FLYWCH1: variants seen among roughly 807,000 people sequenced by gnomAD.
FLYWCH1 encodes FLYWCH-type zinc finger-containing protein 1.
Under a neutral mutation model 66.4 loss-of-function variants are expected in FLYWCH1, and 75 were observed. That is an observed-to-expected ratio of 1.13 (90% CI 0.94 to 1.37). FLYWCH1 has a LOEUF of 1.37. Ranked by LOEUF, FLYWCH1 falls within the 40% of genes most tolerant of loss-of-function variation. The pLI, the probability that FLYWCH1 is intolerant of heterozygous loss-of-function variation, is 0.00. For missense variants in FLYWCH1, 1,334 were observed against 1,001.8 expected (o/e 1.33, Z -4.48); for synonymous variants, 595 against 429.9 (o/e 1.38, Z -4.75).
Position 2,921,539 on chromosome 16 carries a change from AT to A in FLYWCH1, c.-74+7259del, listed in dbSNP as rs540423246. Among the ~76,000 whole-genome samples the A allele has an allele frequency of 5.0e-3, 758 of 151,482 alleles. 9 individuals are homozygous for A. The highest frequency in any genetic ancestry group is 0.013 in the African/African-American group (549 of 41,288). On this transcript the variant is annotated intron_variant, in intron 2 of 9. Transcript: ENST00000253928. Reference sequence around the variant, plus strand: ...AGCAAGACCCTGTCATTACCAAAATATTTTTTTTTAATTTAATTAAAAAACC... The same window carrying A: ...AGCAAGACCCTGTCATTACCAAAATATTTTTTTTAATTTAATTAAAAAACC...
intron 2 of FLYWCH1, among the ~76,000 whole-genome samples, chr16:2,914,797 A>G (rs560561482): frequency 2.6e-5 from 4 of 151,540 alleles, no homozygotes; most frequent in African/African-American, 9.7e-5. Context: ...GCTACTCAGG[A>G]GCCTGAGGAG....
In FLYWCH1 at chr16:2,929,754, G is replaced by T. The variant is rs780695966; in HGVS notation, c.69G>T (p.Lys23Asn). 2 of 1,613,854 alleles carry T rather than the reference G, an allele frequency of 1.2e-6. No homozygotes were observed. Among genetic ancestry groups the T allele is most frequent in the South Asian group, 2.2e-5 (2 of 91,080 alleles). Residue 23 changes from lysine (K) to asparagine (N), a missense_variant, in exon 3 of 10, where the codon AAG (lysine) becomes AAT (asparagine). Lys to Asn is a moderately conservative substitution (Grantham distance 94, BLOSUM62 0). Coordinates refer to ENST00000253928, the MANE Select transcript of FLYWCH1 (RefSeq NM_001308068.2). ...SVKAGQEPSP[K>N]PGTDVIPAAP... ...AGGCCGGCCAGGAGCCATCCCCCAAGCCAGGCACGGACGTCATCCCGGCAG... is the reference window on the plus strand; with the variant it reads ...AGGCCGGCCAGGAGCCATCCCCCAATCCAGGCACGGACGTCATCCCGGCAG...
At chr16:2,947,075 A>C (rs1293625731) in intron 9 of FLYWCH1, among the ~76,000 whole-genome samples, 2 of 152,230 alleles carry the variant, frequency 1.3e-5, no homozygotes, top group Non-Finnish European at 2.9e-5. Flanking sequence ...CCTAATAGGC[A>C]AAAATTGAAA....
intron 2 of FLYWCH1, among the ~76,000 whole-genome samples, chr16:2,924,126 C>T (rs1177025144): frequency 6.6e-6 from 1 of 152,080 alleles, no homozygotes; most frequent in East Asian, 1.9e-4. Context: ...GTCAGGAGAT[C>T]AAGACCATCC....
chr16:2,931,923 C>T (rs2070774080), intron 4 of FLYWCH1, among the ~76,000 whole-genome samples: 1 of 152,042 alleles, frequency 6.6e-6, no homozygotes, highest in East Asian at 1.9e-4. Flanking sequence ...ACCATCCTGG[C>T]TAACACAGTG....
chr16:2,949,015 ACGGACG>A lies in FLYWCH1; in HGVS notation c.*290_*295del. ...GAAGACATGACAAAGCTGCCTGGAC[ACGGACG>A]CCCCTGCTGTACGGCCACAGCACCC... On this transcript the variant is annotated 3_prime_UTR_variant, in exon 10 of 10. Transcript: ENST00000253928. 2.2e-6 allele frequency: 1 copy of A among 461,436 alleles called. No homozygotes were observed. Among genetic ancestry groups the A allele is most frequent in the Non-Finnish European group, 4.0e-6 (1 of 249,896 alleles). 28.6% of individuals were successfully genotyped at this position (461,436 alleles called of 1,614,324 possible).
chr16:2,939,892 T>C (rs754095064), intron 8 of FLYWCH1, 140 bp from the exon 9 acceptor site: 4 of 946,182 alleles, frequency 4.2e-6, no homozygotes, highest in South Asian at 1.8e-5. Flanking sequence ...ATTGATGCGT[T>C]GAATTCCCAG....
chr16:2,937,279 C>A lies in FLYWCH1; in HGVS notation c.1672C>A (p.Arg558=). 2 of 1,604,996 alleles carry A rather than the reference C, an allele frequency of 1.2e-6. No individual in the cohort carries two copies. Among genetic ancestry groups the A allele is most frequent in the Non-Finnish European group, 8.5e-7 (1 of 1,176,910 alleles). The change falls in exon 7 of 10, where the codon CGG becomes AGG. Residue 558 remains arginine (R), a synonymous_variant. Coordinates refer to ENST00000253928, the MANE Select transcript of FLYWCH1 (RefSeq NM_001308068.2). ...CAGCCGCGCCATCACCCAGGGCCGG[C>A]GGGTCATGGTCATGCGCAGGCACTG... The part of the protein sequence containing the change: ...CRSRAITQGR[R]VMVMRRHCHP...
intron 2 of FLYWCH1, among the ~76,000 whole-genome samples, chr16:2,927,414 A>C (rs1479771502): frequency 2.6e-5 from 4 of 152,202 alleles, no homozygotes; most frequent in Non-Finnish European, 5.9e-5. Flanking sequence ...GTTAAAAGAC[A>C]TGAAGGAAGG....
intron 9 of FLYWCH1, among the ~76,000 whole-genome samples, chr16:2,945,815 G>A (rs1157291300): frequency 1.3e-5 from 2 of 152,064 alleles, no homozygotes; most frequent in East Asian, 1.9e-4. Context: ...GGCTAACATG[G>A]TGAAATCCCA....
In FLYWCH1 at chr16:2,933,423, A is replaced by G. The variant is rs1299905377; in HGVS notation, c.1090A>G (p.Thr364Ala). 10 of 1,601,314 alleles carry G rather than the reference A, an allele frequency of 6.2e-6. No homozygotes were observed. In the East Asian group the frequency reaches 1.8e-4, roughly 29 times the overall value. ...GQDGPGSQVD[T>A]LLRGVDSLLY... Reference sequence around the variant, plus strand: ...GGACGGCCCTGGGAGCCAAGTGGACACGCTGCTCCGAGGCGTGGATAGTTT... The same window carrying G: ...GGACGGCCCTGGGAGCCAAGTGGACGCGCTGCTCCGAGGCGTGGATAGTTT... The change falls in exon 5 of 10, where the codon ACG becomes GCG. Residue 364 changes from threonine (T) to alanine (A), a missense_variant. Coordinates refer to ENST00000253928, the MANE Select transcript of FLYWCH1 (RefSeq NM_001308068.2).
chr16:2,911,984 C>T lies in FLYWCH1; in HGVS notation c.-358C>T, dbSNP rs1023618574. On this transcript the variant is annotated 5_prime_UTR_variant, in exon 1 of 10. Transcript: ENST00000253928. ...GCCGGCTCCCCGGCGGGGTCGCGCG[C>T]GCGGTCACGGGGCTCGCTCCCGAGG... is the stretch of plus-strand genomic sequence containing the variant. 2.0e-5 allele frequency: 3 copies of T among 152,206 alleles called. No individual in the cohort carries two copies. Among genetic ancestry groups the T allele is most frequent in the African/African-American group, 4.8e-5 (2 of 41,436 alleles). The allele number at this position is 152,206 out of a possible 1,614,324, so 9.4% of individuals were successfully genotyped here.
intron 6 of FLYWCH1, chr16:2,934,546 T>TA: frequency 2.3e-6 from 1 of 435,094 alleles, no homozygotes; most frequent in South Asian, 1.6e-5. Context: ...AATGTCCCCA[T>TA]AGCGTCTGGC....
intron 9 of FLYWCH1, among the ~76,000 whole-genome samples, chr16:2,942,859 G>T (rs971575604): frequency 6.7e-6 from 1 of 149,916 alleles, no homozygotes; most frequent in South Asian, 2.1e-4. Context: ...GCACCACCAC[G>T]CTCAGCTAAT....
intron 8 of FLYWCH1, chr16:2,939,723 G>A (rs1323341372): frequency 1.4e-5 from 4 of 291,926 alleles, no homozygotes; most frequent in East Asian, 8.5e-5. Context: ...TTTGAGAAAA[G>A]GATTTCTTTG....
chr16:2,932,684 T>C (rs1160744639), intron 4 of FLYWCH1, among the ~76,000 whole-genome samples: 1 of 152,152 alleles, frequency 6.6e-6, no homozygotes, highest in African/African-American at 2.4e-5. Context: ...CCTTGTGTGT[T>C]TTATTCAAAA....
intron 2 of FLYWCH1, among the ~76,000 whole-genome samples, chr16:2,927,228 C>T (rs563540529): frequency 3.9e-4 from 59 of 152,258 alleles, no homozygotes; most frequent in Middle Eastern, 3.4e-3. Context: ...TCCAACAGCA[C>T]CACCTAGTGG....
At chr16:2,917,174 A>G (rs1392150086) in intron 2 of FLYWCH1, among the ~76,000 whole-genome samples, 1 of 151,748 alleles carries the variant, frequency 6.6e-6, no homozygotes, top group Non-Finnish European at 1.5e-5. Flanking sequence ...AAAAAAGTAA[A>G]AAAAATTTTT....
intron 9 of FLYWCH1, among the ~76,000 whole-genome samples, chr16:2,944,157 C>T (rs1203126073): frequency 1.6e-4 from 24 of 151,516 alleles, no homozygotes; most frequent in African/African-American, 5.8e-4. Context: ...GAGGCTGAGG[C>T]GGGCGGATCA....
Sources: gnomAD v4.1 joint callset for allele counts (sites outside exome capture counted in the v4.1 genomes callset) on GRCh38, gnomAD v4.1.1 for gene constraint, MANE v1.5 for transcripts, NCBI Gene and HGNC (gene_info 2026-07-23, HGNC 2026-07-21) for gene names.